The following NAPB variants were observed in gnomAD, a reference collection of about 807,000 sequenced individuals.
NAPB encodes the protein beta-soluble NSF attachment protein.
NAPB carries 26 observed loss-of-function variants against 44.7 expected under a neutral mutation model. The ratio of observed to expected loss-of-function variants is 0.58; its 90% CI spans 0.43 to 0.81. NAPB has a LOEUF of 0.81. NAPB is among the 30% of genes least tolerant of loss of function. NAPB has a pLI of 0.00. For missense variants in NAPB, 315 were observed against 356.4 expected (o/e 0.88, Z 0.94); for synonymous variants, 120 against 116.8 (o/e 1.03, Z -0.18).
Position 23,421,480 on chromosome 20 carries a change from C to A in NAPB, c.-78G>T, listed in dbSNP as rs1483186678. ...GCGCCTTAACCCTCCCTCTGGCGGC[C>A]GCAGGGACGCAGGCGCAGGCGCGAC... On this transcript the variant is annotated 5_prime_UTR_variant, in exon 1 of 11. Coordinates refer to ENST00000377026, the MANE Select transcript of NAPB (RefSeq NM_022080.3). 7.7e-6 allele frequency: 10 copies of A among 1,296,698 alleles called. No individual in the cohort carries two copies. The Admixed American group carries it at 8.1e-5, about 10-fold the overall frequency. 80.3% of individuals were successfully genotyped at this position (1,296,698 alleles called of 1,614,324 possible). A position where few individuals can be genotyped will look rare whatever the true frequency, so the allele number is the denominator to read the frequency against.
At chr20:23,413,754 T>C (rs1256040660) in intron 1 of NAPB, among the ~76,000 whole-genome samples, 1 of 152,014 alleles carries the variant, frequency 6.6e-6, no homozygotes, top group Non-Finnish European at 1.5e-5. Context: ...GAAAACACAA[T>C]TTACCAAAAT....
chr20:23,379,782 A>G, intron 9 of NAPB, 85 bp downstream of exon 9: 3 of 1,010,576 alleles, frequency 3.0e-6, no homozygotes, highest in Non-Finnish European at 4.5e-6. Flanking sequence ...TATAGATTAA[A>G]ACTTCACTTC....
intron 7 of NAPB, among the ~76,000 whole-genome samples, chr20:23,385,988 G>GAATTA (rs1156624256): frequency 1.3e-5 from 2 of 151,876 alleles, no homozygotes; most frequent in African/African-American, 4.8e-5. Flanking sequence ...AACCACAAAG[G>GAATTA]AATTAAAAAT....
intron 1 of NAPB, among the ~76,000 whole-genome samples, chr20:23,414,396 C>T (rs1323458904): frequency 6.6e-6 from 1 of 152,156 alleles, no homozygotes; most frequent in Non-Finnish European, 1.5e-5. Context: ...GAGAGGTTTA[C>T]TCCAGGAGTG....
chr20:23,375,789 C>G lies in NAPB; in HGVS notation c.*1587G>C, dbSNP rs1384786585. 1 of 152,390 alleles carries G rather than the reference C, an allele frequency of 6.6e-6. No individual in the cohort carries two copies. The highest frequency in any genetic ancestry group is 2.4e-5 in the African/African-American group (1 of 41,448). 9.4% of individuals were successfully genotyped at this position (152,390 alleles called of 1,614,324 possible). On this transcript the variant is annotated 3_prime_UTR_variant, in exon 11 of 11. Transcript: ENST00000377026. ...CTCTGACATCACAGAGCTTCCTGCTCTACCAGCCCACCTCATGCATGTCAC... is the reference window on the plus strand; with the variant it reads ...CTCTGACATCACAGAGCTTCCTGCTGTACCAGCCCACCTCATGCATGTCAC...
At chr20:23,398,664 G>A (rs891989123) in intron 2 of NAPB, among the ~76,000 whole-genome samples, 6 of 151,832 alleles carry the variant, frequency 4.0e-5, no homozygotes, top group South Asian at 2.1e-4. Context: ...TGAACATAGC[G>A]AAACCCTGTC....
At chr20:23,379,302 A>T (rs1388863930) in intron 10 of NAPB, 143 bp downstream of exon 10, 3 of 600,048 alleles carry the variant, frequency 5.0e-6, no homozygotes, top group Non-Finnish European at 8.5e-6. Context: ...TGATATATAA[A>T]AGGTGACGTT....
chr20:23,409,544 C>T (rs1489771841), intron 1 of NAPB, among the ~76,000 whole-genome samples: 1 of 152,108 alleles, frequency 6.6e-6, no homozygotes, highest in Non-Finnish European at 1.5e-5. Flanking sequence ...ATGGTAACTG[C>T]TAGATTAATT....
intron 7 of NAPB, among the ~76,000 whole-genome samples, chr20:23,381,704 C>A: frequency 6.6e-6 from 1 of 152,064 alleles, no homozygotes; most frequent in South Asian, 2.1e-4. Flanking sequence ...AACTGAAGAA[C>A]CAGCAACCCA....
chr20:23,410,613 G>A (rs1985585562), intron 1 of NAPB, among the ~76,000 whole-genome samples: 1 of 152,070 alleles, frequency 6.6e-6, no homozygotes, highest in Admixed American at 6.6e-5. Context: ...AGGATCATCT[G>A]TACCCTAAAC....
chr20:23,415,041 G>A (rs1280713615), intron 1 of NAPB, among the ~76,000 whole-genome samples: 1 of 152,112 alleles, frequency 6.6e-6, no homozygotes, highest in Admixed American at 6.5e-5. Flanking sequence ...AAAGGTAATA[G>A]AGATTGAGAC....
chr20:23,404,956 T>C (rs1469616282), intron 1 of NAPB, among the ~76,000 whole-genome samples: 2 of 152,134 alleles, frequency 1.3e-5, no homozygotes, highest in Non-Finnish European at 2.9e-5. Context: ...CTTTGGAAAA[T>C]GTTACCATAT....
At chr20:23,407,223 T>A (rs1457418933) in intron 1 of NAPB, among the ~76,000 whole-genome samples, 1 of 152,232 alleles carries the variant, frequency 6.6e-6, no homozygotes, top group African/African-American at 2.4e-5. Context: ...CTTTTGAAAT[T>A]ACACCGGATG....
At chr20:23,395,837 G>A (rs1327631488) in intron 3 of NAPB, among the ~76,000 whole-genome samples, 2 of 152,222 alleles carry the variant, frequency 1.3e-5, no homozygotes, top group East Asian at 3.9e-4. Flanking sequence ...ATAAAATGAT[G>A]GTGTTTATGA....
chr20:23,405,054 G>A (rs1985137001), intron 1 of NAPB, among the ~76,000 whole-genome samples: 2 of 152,166 alleles, frequency 1.3e-5, no homozygotes, highest in African/African-American at 2.4e-5. Context: ...TGTAATCCCA[G>A]CACTTTGGGA....
At chr20:23,383,640 A>G (rs1983224599) in intron 7 of NAPB, among the ~76,000 whole-genome samples, 1 of 152,244 alleles carries the variant, frequency 6.6e-6, no homozygotes, top group Non-Finnish European at 1.5e-5. Flanking sequence ...GTTTCCAGAT[A>G]GGGGAAAACT....
At chr20:23,413,038 A>G (rs1985767795) in intron 1 of NAPB, among the ~76,000 whole-genome samples, 1 of 152,074 alleles carries the variant, frequency 6.6e-6, no homozygotes, top group South Asian at 2.1e-4. Context: ...GCTCATGCCT[A>G]TGATCCCAGC....
chr20:23,418,358 T>C (rs1393222549), intron 1 of NAPB, among the ~76,000 whole-genome samples: 1 of 152,178 alleles, frequency 6.6e-6, no homozygotes, highest in African/African-American at 2.4e-5. Flanking sequence ...TGGAATAACA[T>C]GTATTCCAGT....
At chr20:23,392,680 A>G (rs1437220193) in intron 5 of NAPB, among the ~76,000 whole-genome samples, 1 of 136,280 alleles carries the variant, frequency 7.3e-6, no homozygotes, top group East Asian at 2.3e-4. Flanking sequence ...CCATTCCTGG[A>G]TAGTTTTTTT....
Sources: gnomAD v4.1 joint callset for allele counts (sites outside exome capture counted in the v4.1 genomes callset) on GRCh38, gnomAD v4.1.1 for gene constraint, MANE v1.5 for transcripts, NCBI Gene and HGNC (gene_info 2026-07-23, HGNC 2026-07-21) for gene names.